IGSF11: variants seen among roughly 807,000 people sequenced by gnomAD.
IGSF11 encodes the protein CXADR like 1.
A neutral mutation model predicts 41.0 loss-of-function variants in IGSF11; 22 were observed. That is an observed-to-expected ratio of 0.54 (90% CI 0.38 to 0.77). The LOEUF (loss-of-function observed/expected upper bound fraction) is 0.77, where lower values mean the gene tolerates loss of function less well. Ranked by LOEUF, IGSF11 falls within the 30% of genes least tolerant of loss-of-function variation. The pLI, the probability that IGSF11 is intolerant of heterozygous loss-of-function variation, is 0.00. For missense variants in IGSF11, 444 were observed against 530.8 expected (o/e 0.84, Z 1.61); for synonymous variants, 219 against 201.3 (o/e 1.09, Z -0.74).
intron 1 of IGSF11, among the ~76,000 whole-genome samples, chr3:119,049,014 A>G (rs1941497429): frequency 6.6e-6 from 1 of 151,716 alleles, no homozygotes; most frequent in Non-Finnish European, 1.5e-5. Context: ...AATAAGAGCT[A>G]TCTATGACAA....
At position 118,928,653 on chromosome 3, in the gene IGSF11, A is replaced by G; in HGVS notation, c.280T>C (p.Phe94Leu). Residue 94 changes from phenylalanine to leucine, a missense_variant, in exon 3 of 7, where the codon TTT (phenylalanine) becomes CTT (leucine). Phe to Leu is a conservative substitution (Grantham distance 22, BLOSUM62 0). Around this residue, in one of 3 missense-constraint regions of IGSF11, gnomAD observed 193 missense variants for 283.5 expected, o/e 0.68. Coordinates refer to ENST00000393775, the MANE Select transcript of IGSF11 (RefSeq NM_001015887.3). Reference protein sequence around the residue: ...GAPRFHGRVGFTGTMPATNVS... With the variant: ...GAPRFHGRVGLTGTMPATNVS... The stretch of plus-strand genomic sequence containing the variant: ...TTGGTAGCTGGCATGGTGCCTGTAA[A>G]TCCTACCCTACCGTGGAACCGGGGG... 6.2e-7 allele frequency: 1 copy of G among 1,614,048 alleles called. No individual in the cohort carries two copies. Among genetic ancestry groups the G allele is most frequent in the Non-Finnish European group, 8.5e-7 (1 of 1,179,994 alleles).
At chr3:119,016,246 T>C (rs755687520) in intron 1 of IGSF11, among the ~76,000 whole-genome samples, 2 of 152,200 alleles carry the variant, frequency 1.3e-5, no homozygotes, top group Non-Finnish European at 2.9e-5. Context: ...GTAAGGGTCC[T>C]GGGAGCTGGG....
intron 1 of IGSF11, among the ~76,000 whole-genome samples, chr3:118,942,738 T>A (rs1007099964): frequency 6.6e-6 from 1 of 152,222 alleles, no homozygotes; most frequent in Non-Finnish European, 1.5e-5. Context: ...TCTAAGCCTA[T>A]CTTTGTCAAG....
At chr3:119,092,002 G>A (rs200245370) in intron 1 of IGSF11, among the ~76,000 whole-genome samples, 1 of 146,750 alleles carries the variant, frequency 6.8e-6, no homozygotes, top group Non-Finnish European at 1.5e-5. Context: ...TTGGGGGGGG[G>A]GGGTTGGTGG....
intron 1 of IGSF11, among the ~76,000 whole-genome samples, chr3:119,028,500 A>G (rs576947564): frequency 2.0e-5 from 3 of 152,330 alleles, no homozygotes; most frequent in Admixed American, 2.0e-4. Context: ...TAAGAATACC[A>G]GACATGAAAA....
chr3:118,962,345 GAT>G (rs1315590724), intron 1 of IGSF11, among the ~76,000 whole-genome samples: 1 of 152,000 alleles, frequency 6.6e-6, no homozygotes, highest in East Asian at 1.9e-4. Flanking sequence ...CTTTGTTGCT[GAT>G]ATGATTATAT....
chr3:118,966,220 T>C (rs1945665359), intron 1 of IGSF11, among the ~76,000 whole-genome samples: 1 of 152,184 alleles, frequency 6.6e-6, no homozygotes, highest in African/African-American at 2.4e-5. Context: ...TTAGGGACCA[T>C]ACAAATGTGT....
chr3:119,114,989 G>A (rs570685970), intron 1 of IGSF11, among the ~76,000 whole-genome samples: 11 of 152,244 alleles, frequency 7.2e-5, no homozygotes, highest in African/African-American at 1.7e-4. Context: ...GAGAGTAAAG[G>A]GGGAGGTGCT....
chr3:119,070,147 T>C (rs1311645765), intron 1 of IGSF11, among the ~76,000 whole-genome samples: 3 of 152,240 alleles, frequency 2.0e-5, no homozygotes, highest in Non-Finnish European at 4.4e-5. Context: ...ACTCCCTTTA[T>C]CACAGTTCTT....
chr3:119,130,199 G>A (rs1017912482), intron 1 of IGSF11, among the ~76,000 whole-genome samples: 1 of 152,114 alleles, frequency 6.6e-6, no homozygotes, highest in Admixed American at 6.5e-5. Context: ...GTCTCACTGG[G>A]ACTGGTTGGA....
At chr3:119,046,959 C>G (rs981226757) in intron 1 of IGSF11, among the ~76,000 whole-genome samples, 42 of 144,794 alleles carry the variant, frequency 2.9e-4, no homozygotes, top group African/African-American at 1.1e-3. Flanking sequence ...GAGATTTTGT[C>G]AACACCAGGC....
At chr3:119,110,460 C>G (rs1214786944) in intron 1 of IGSF11, among the ~76,000 whole-genome samples, 1 of 152,184 alleles carries the variant, frequency 6.6e-6, no homozygotes, top group African/African-American at 2.4e-5. Flanking sequence ...TTCCTCCACC[C>G]TTTTATTTTG....
chr3:119,029,173 T>TACACACACACACACACACACACACACAC (rs66598029), intron 1 of IGSF11, among the ~76,000 whole-genome samples: 15 of 111,512 alleles, frequency 1.3e-4, no homozygotes, highest in South Asian at 3.7e-4. Flanking sequence ...TTGGGGATAA[T>TACACACACACACACACACACACACACAC]ACACACACAC....
At chr3:118,914,110 GA>G (rs1940722922) in intron 4 of IGSF11, among the ~76,000 whole-genome samples, 1 of 151,830 alleles carries the variant, frequency 6.6e-6, no homozygotes, top group African/African-American at 2.4e-5. Context: ...AGAACTTTAA[GA>G]ATAAGCACGA....
At chr3:118,950,745 G>A (rs1387010835) in intron 1 of IGSF11, among the ~76,000 whole-genome samples, 4 of 152,140 alleles carry the variant, frequency 2.6e-5, no homozygotes, top group African/African-American at 9.7e-5. Flanking sequence ...GGTCATGTGG[G>A]AAAATGAATT....
intron 1 of IGSF11, among the ~76,000 whole-genome samples, chr3:118,998,854 T>C (rs775018694): frequency 2.0e-5 from 3 of 152,170 alleles, no homozygotes; most frequent in African/African-American, 4.8e-5. Flanking sequence ...AACCTTTACA[T>C]TGTAAAACAG....
Position 118,915,197 on chromosome 3 carries a change from G to A in IGSF11, c.581-9479C>T, listed in dbSNP as rs888682075. ...AACTGGAAACTCTAAAATGCAGAGCGCCTCTCCTCCTCCAAAGGAACACAG... is the reference window on the plus strand; with the variant it reads ...AACTGGAAACTCTAAAATGCAGAGCACCTCTCCTCCTCCAAAGGAACACAG... On this transcript the variant is annotated intron_variant, in intron 4 of 6. Coordinates refer to ENST00000393775, the MANE Select transcript of IGSF11 (RefSeq NM_001015887.3). Among the ~76,000 whole-genome samples the A allele has an allele frequency of 1.4e-4, 20 of 138,124 alleles. 1 individual carries two copies. Among genetic ancestry groups the A allele is most frequent in the East Asian group, 6.3e-4 (3 of 4,792 alleles). The allele number at this position is 138,124 out of a possible 152,430, so 90.6% of individuals were successfully genotyped here.
upstream of IGSF11, among the ~76,000 whole-genome samples, chr3:119,039,264 G>T (rs1941025667): frequency 6.6e-6 from 1 of 152,176 alleles, no homozygotes. Context: ...ATCAAGGTGT[G>T]GACAAGGCTG....
At chr3:118,906,560 C>A (rs967513887) in intron 4 of IGSF11, among the ~76,000 whole-genome samples, 1 of 152,188 alleles carries the variant, frequency 6.6e-6, no homozygotes, top group African/African-American at 2.4e-5. Flanking sequence ...TGGTGCAAAG[C>A]AGTGGTGGAT....
Sources: gnomAD v4.1 joint callset for allele counts (sites outside exome capture counted in the v4.1 genomes callset) on GRCh38, gnomAD v4.1.1 for gene constraint, gnomAD v4.1.1 regional missense constraint, MANE v1.5 for transcripts, NCBI Gene and HGNC (gene_info 2026-07-23, HGNC 2026-07-21) for gene names.